Variants in GALNT11 observed in about 807,000 individuals in gnomAD.
The protein encoded by GALNT11 is polypeptide N-acetylgalactosaminyltransferase 11, also known as UDP-GalNAc:polypeptide N-acetylgalactosaminyltransferase 11.
GALNT11 carries 47 observed loss-of-function variants against 72.7 expected under a neutral mutation model. The ratio of observed to expected loss-of-function variants is 0.65; its 90% confidence interval spans 0.51 to 0.82. The LOEUF (loss-of-function observed/expected upper bound fraction) is 0.82. GALNT11 is among the 40% of genes least tolerant of loss of function. GALNT11 has a pLI of 0.00. For missense variants in GALNT11, 677 were observed against 778.4 expected (o/e 0.87, Z 1.55); for synonymous variants, 270 against 286.6 (o/e 0.94, Z 0.58).
intron 1 of GALNT11, among the ~76,000 whole-genome samples, chr7:152,075,979 G>A (rs2084940716): frequency 6.7e-6 from 1 of 150,080 alleles, no homozygotes; most frequent in Non-Finnish European, 1.5e-5. Flanking sequence ...GGAGAATGGC[G>A]TGAAGCCGGG....
chr7:152,031,931 T>A (rs886847186), intron 1 of GALNT11, among the ~76,000 whole-genome samples: 6 of 152,202 alleles, frequency 3.9e-5, no homozygotes, highest in African/African-American at 1.4e-4. Context: ...CCCCCACAAC[T>A]GTTTTAAAGT....
chr7:152,030,183 G>A (rs1028687134), intron 1 of GALNT11, among the ~76,000 whole-genome samples: 7 of 152,090 alleles, frequency 4.6e-5, no homozygotes, highest in Non-Finnish European at 1.0e-4. Flanking sequence ...AAACTCCCAC[G>A]GGGAAAGGGA....
At chr7:152,066,978 A>G (rs946495744) in intron 1 of GALNT11, among the ~76,000 whole-genome samples, 1 of 152,244 alleles carries the variant, frequency 6.6e-6, no homozygotes, top group African/African-American at 2.4e-5. Flanking sequence ...AATGGTGTTC[A>G]TATACTTGGT....
At chr7:152,068,046 G>A (rs574606530) in intron 1 of GALNT11, among the ~76,000 whole-genome samples, 2 of 152,142 alleles carry the variant, frequency 1.3e-5, no homozygotes, top group South Asian at 4.1e-4. Context: ...ATGAGGGATC[G>A]ATTCACCCCC....
At chr7:152,117,726 T>C (rs2089019851) in intron 9 of GALNT11, 3 of 254,716 alleles carry the variant, frequency 1.2e-5, no homozygotes, top group Non-Finnish European at 2.2e-5. Context: ...AGTGATCTGC[T>C]ATTTGCTCTT....
chr7:152,065,282 G>T, intron 1 of GALNT11, among the ~76,000 whole-genome samples: 1 of 152,166 alleles, frequency 6.6e-6, no homozygotes, highest in South Asian at 2.1e-4. Flanking sequence ...CGTAGTTCTC[G>T]TGCCATGGTT....
intron 1 of GALNT11, among the ~76,000 whole-genome samples, chr7:152,055,559 GTGTGTGTGTATA>G (rs1339012190): frequency 1.5e-3 from 183 of 122,762 alleles, no homozygotes; most frequent in African/African-American, 7.2e-3. Context: ...GTGTGTGTGT[GTGTGTGTGTATA>G]TATACATATA....
chr7:152,078,044 A>G (rs1015802285), intron 1 of GALNT11, among the ~76,000 whole-genome samples: 2 of 151,894 alleles, frequency 1.3e-5, no homozygotes, highest in African/African-American at 4.8e-5. Flanking sequence ...TGCTGAAGAG[A>G]AAAGTGAGCC....
intron 1 of GALNT11, among the ~76,000 whole-genome samples, chr7:152,082,458 A>G (rs981508733): frequency 6.6e-6 from 1 of 152,252 alleles, no homozygotes; most frequent in Non-Finnish European, 1.5e-5. Flanking sequence ...GCAAAGGCAG[A>G]GGAGAACAAA....
intron 1 of GALNT11, among the ~76,000 whole-genome samples, chr7:152,032,135 C>T (rs545844919): frequency 2.2e-4 from 33 of 152,306 alleles, no homozygotes; most frequent in African/African-American, 7.5e-4. Context: ...GGCTTCCGAA[C>T]TGGTAGCCAA....
intron 1 of GALNT11, among the ~76,000 whole-genome samples, chr7:152,080,739 A>T (rs893884660): frequency 9.2e-5 from 14 of 152,018 alleles, no homozygotes; most frequent in Non-Finnish European, 1.8e-4. Context: ...GGGCAGGAGG[A>T]TCACCTGAGG....
rs115219729 is a variant in GALNT11 at position 152,070,981 on chromosome 7, A to G, written c.-38-23209A>G. ...TTAGGGATTTTCAAAAGGGGAAGGG[A>G]GTGTGCAAATAGGTGTAGGTCACAG... On this transcript the variant is annotated intron_variant, in intron 1 of 11. Transcript: ENST00000430044. Among the ~76,000 whole-genome samples, 1,133 of 152,270 alleles carry G rather than the reference A, an allele frequency of 7.4e-3. 16 individuals carry two copies. Among genetic ancestry groups the G allele is most frequent in the African/African-American group, 0.026 (1,093 of 41,546 alleles).
intron 5 of GALNT11, among the ~76,000 whole-genome samples, chr7:152,105,905 A>C (rs1378072033): frequency 6.6e-6 from 1 of 152,174 alleles, no homozygotes; most frequent in African/African-American, 2.4e-5. Context: ...ATCAAGGAGC[A>C]AGTCTCCGTT....
At position 152,094,566 on chromosome 7, in the gene GALNT11, T is replaced by C. The variant is rs201893607; in HGVS notation, c.295+44T>C. On this transcript the variant is annotated intron_variant, in intron 2 of 11. Transcript: ENST00000430044. The surrounding 1 kb of genome is among the most constrained non-coding windows in gnomAD (Gnocchi z 4.3). ...CCAGCATCCATATCAATGTATTTAA[T>C]CACTGGAAGTTTGATTAATTAGTTA... 2.0e-5 allele frequency: 30 copies of C among 1,521,544 alleles called. No individual in the cohort carries two copies. The highest frequency in any genetic ancestry group is 8.8e-7 in the Non-Finnish European group (1 of 1,133,992). The allele number at this position is 1,521,544 out of a possible 1,614,324, so 94.3% of individuals were successfully genotyped here. A position where few individuals can be genotyped will look rare whatever the true frequency, so the allele number is the denominator to read the frequency against.
At position 152,061,094 on chromosome 7, in the gene GALNT11, T is replaced by G. The variant is rs1055894478; in HGVS notation, c.-38-33096T>G. 6.0e-4 allele frequency among the ~76,000 whole-genome samples: 91 copies of G among 152,284 alleles called. 1 individual carries two copies. The highest frequency in any genetic ancestry group is 2.0e-3 in the African/African-American group (82 of 41,552). Reference sequence around the variant, plus strand: ...AACTAGTTTACAGTCCCACCAACAGTGTAAAAGTGTTCCTATTTCTCCACA... The same window carrying G: ...AACTAGTTTACAGTCCCACCAACAGGGTAAAAGTGTTCCTATTTCTCCACA... On this transcript the variant is annotated intron_variant, in intron 1 of 11. Transcript: ENST00000430044.
chr7:152,053,914 T>A (rs2083521644), intron 1 of GALNT11, among the ~76,000 whole-genome samples: 1 of 152,254 alleles, frequency 6.6e-6, no homozygotes, highest in Non-Finnish European at 1.5e-5. Flanking sequence ...TGAATGTAAG[T>A]ATTTAGAAAA....
chr7:152,102,895 C>T (rs2087094009), intron 3 of GALNT11, among the ~76,000 whole-genome samples: 1 of 150,266 alleles, frequency 6.7e-6, no homozygotes, highest in East Asian at 2.0e-4. Context: ...GCAGGAGAAT[C>T]GCTTGAACCT....
intron 2 of GALNT11, among the ~76,000 whole-genome samples, chr7:152,097,585 GACA>G (rs1456172041): frequency 3.3e-5 from 5 of 152,230 alleles, no homozygotes; most frequent in Non-Finnish European, 2.9e-5. Flanking sequence ...GACAGAAGGT[GACA>G]ACATGTTATC....
intron 2 of GALNT11, among the ~76,000 whole-genome samples, chr7:152,099,549 T>TG (rs2086657283): frequency 7.3e-6 from 1 of 136,150 alleles, no homozygotes; most frequent in South Asian, 2.4e-4. Flanking sequence ...TTTTTTTTTT[T>TG]TTTTTTTTTT....
Sources: allele counts gnomAD v4.1 joint callset (sites outside exome capture counted in the v4.1 genomes callset), GRCh38; gene constraint gnomAD v4.1.1; non-coding constraint Gnocchi (gnomAD v3.1); transcripts MANE v1.5; gene names NCBI Gene and HGNC (gene_info 2026-07-23, HGNC 2026-07-21).